The following CNNM4 variants were observed in gnomAD, a reference collection of about 807,000 sequenced individuals.
CNNM4 encodes metal transporter CNNM4.
A neutral mutation model predicts 53.7 loss-of-function variants in CNNM4; 32 were observed. That is an observed-to-expected ratio of 0.60 (90% CI 0.45 to 0.80). CNNM4 has a LOEUF of 0.80. Among genes scored for constraint, CNNM4 ranks in the 30% least tolerant of loss-of-function variants. The pLI is 0.00. For synonymous variants in CNNM4, 410 were observed against 440.0 expected (o/e 0.93, Z 0.85); for missense variants, 784 against 1,022.0 (o/e 0.77, Z 3.17).
Position 96,799,600 on chromosome 2 carries a change from G to T in CNNM4, c.1900G>T (p.Gly634Cys). 1 of 1,554,818 alleles carries T rather than the reference G, an allele frequency of 6.4e-7. No individual in the cohort carries two copies. Among genetic ancestry groups the T allele is most frequent in the South Asian group, 1.2e-5 (1 of 84,210 alleles). The change falls in exon 5 of 7, where the codon GGC (glycine) becomes TGC (cysteine). Residue 634 changes from glycine to cysteine, a missense_variant. By Grantham distance (159) the Gly-to-Cys change is radical. Transcript: ENST00000377075. ...AGKENMKFET[G>C]AFSYYGTMAL... ...GAAGGAGAACATGAAGTTTGAGACG[G>T]GCGCCTTCTCCTACTATGGGACTAT... is the stretch of plus-strand genomic sequence containing the variant.
Position 96,801,656 on chromosome 2 carries a change from CCA to C in CNNM4, c.1948+2025_1948+2026del, listed in dbSNP as rs141454994. Among the ~76,000 whole-genome samples the C allele has an allele frequency of 8.7e-4, 124 of 141,748 alleles. No homozygotes were observed. The highest frequency in any genetic ancestry group is 1.9e-3 in the African/African-American group (71 of 37,760). The allele number at this position is 141,748 out of a possible 152,430, so 93.0% of individuals were successfully genotyped here. On this transcript the variant is annotated intron_variant, in intron 5 of 6. Coordinates refer to ENST00000377075, the MANE Select transcript of CNNM4 (RefSeq NM_020184.4). This position sits in a 1 kb window ranked among gnomAD's most constrained non-coding sequence, Gnocchi z 5.6. Reference sequence around the variant, plus strand: ...GAGAGACCACACACATGCAGAGAGACCACACACACACACACACAGAGACCACA... The same window carrying C: ...GAGAGACCACACACATGCAGAGAGACCACACACACACACACAGAGACCACA...
intron 1 of CNNM4, among the ~76,000 whole-genome samples, chr2:96,767,324 C>T (rs1210147005): frequency 6.6e-6 from 1 of 152,106 alleles, no homozygotes; most frequent in African/African-American, 2.4e-5. Context: ...CTGAGAGTCT[C>T]CTGTGATTTG....
At chr2:96,786,712 G>A (rs1286225956) in intron 1 of CNNM4, among the ~76,000 whole-genome samples, 1 of 149,706 alleles carries the variant, frequency 6.7e-6, no homozygotes, top group Non-Finnish European at 1.5e-5. Context: ...TTGGGAAGCG[G>A]AGGTTGCAGT....
At chr2:96,778,582 T>C (rs1183160818) in intron 1 of CNNM4, among the ~76,000 whole-genome samples, 5 of 151,432 alleles carry the variant, frequency 3.3e-5, no homozygotes, top group African/African-American at 4.9e-5. Flanking sequence ...ATTATTTCTA[T>C]GTATCTTTTT....
rs1407264694 is a variant in CNNM4 at position 96,771,546 on chromosome 2, T to C, written c.1402+9145T>C. Among the ~76,000 whole-genome samples, 4 of 151,848 alleles carry C rather than the reference T, an allele frequency of 2.6e-5. No homozygotes were observed. The East Asian group carries it at 7.7e-4, about 29-fold the overall frequency. The stretch of plus-strand genomic sequence containing the variant: ...ATGGTGAAACCCTGTCTCTACTTTT[T>C]AGACAAATACAAAAAATTTTAGCCG... On this transcript the variant is annotated intron_variant, in intron 1 of 6. Transcript: ENST00000377075.
Position 96,800,592 on chromosome 2 carries a change from G to A in CNNM4, c.1948+944G>A, listed in dbSNP as rs143061035. 6.6e-6 allele frequency among the ~76,000 whole-genome samples: 1 copy of A among 152,368 alleles called. No homozygotes were observed. Among genetic ancestry groups the A allele is most frequent in the African/African-American group, 2.4e-5 (1 of 41,590 alleles). On this transcript the variant is annotated intron_variant, in intron 5 of 6. Transcript: ENST00000377075. This position sits in a 1 kb window ranked among gnomAD's most constrained non-coding sequence, Gnocchi z 4.6. ...GGCATGGCAGGCTCCCTGGGCAGGG[G>A]ACAGACAGGGCCCCAGAGCGGGGCT...
At chr2:96,799,708 G>A in intron 5 of CNNM4, 60 bp downstream of exon 5, 1 of 1,341,764 alleles carries the variant, frequency 7.5e-7, no homozygotes, top group Non-Finnish European at 1.0e-6. Context: ...GGGAGCCATG[G>A]ACCGACACCA....
At chr2:96,796,416 G>A (rs1017357312) in intron 1 of CNNM4, among the ~76,000 whole-genome samples, 1 of 152,016 alleles carries the variant, frequency 6.6e-6, no homozygotes, top group Non-Finnish European at 1.5e-5. Flanking sequence ...AAGGTGCTGG[G>A]ATTACAGATG....
At chr2:96,772,558 T>TAC (rs1558982420) in intron 1 of CNNM4, among the ~76,000 whole-genome samples, 5 of 46,922 alleles carry the variant, frequency 1.1e-4, no homozygotes, top group Admixed American at 2.7e-4. Context: ...TGCACACACA[T>TAC]ACACACTCAT....
At chr2:96,782,997 G>C (rs752474620) in intron 1 of CNNM4, among the ~76,000 whole-genome samples, 2 of 152,134 alleles carry the variant, frequency 1.3e-5, no homozygotes, top group African/African-American at 2.4e-5. Context: ...CTTGGGGTCA[G>C]GAGTTCAAGA....
chr2:96,807,526 T>C (rs2079220531), intron 5 of CNNM4, among the ~76,000 whole-genome samples: 1 of 151,270 alleles, frequency 6.6e-6, no homozygotes, highest in Middle Eastern at 3.4e-3. Flanking sequence ...TAAGACTCCA[T>C]CTCAAAAAAA....
intron 1 of CNNM4, among the ~76,000 whole-genome samples, chr2:96,795,127 G>A (rs940633088): frequency 1.3e-5 from 2 of 152,276 alleles, no homozygotes; most frequent in African/African-American, 4.8e-5. Context: ...TACTCAGCCT[G>A]TCAAAGCTGC....
rs541134573 is a variant in CNNM4, at chr2:96,761,611, C to G, written c.612C>G (p.Leu204=). The G allele has an allele frequency of 6.2e-7, 1 of 1,614,098 alleles. No homozygotes were observed. The highest frequency in any genetic ancestry group is 8.5e-7 in the Non-Finnish European group (1 of 1,180,030). ...CGGGCATATTTTCTGGCCTCAACCT[C>G]GGGCTTATGGCCCTGGACCCCATGG... ...VLSGIFSGLN[L]GLMALDPMEL... is the part of the protein sequence containing the mutation. Residue 204 remains leucine (L), a synonymous_variant, in exon 1 of 7, where the codon CTC becomes CTG. Coordinates refer to ENST00000377075, the MANE Select transcript of CNNM4 (RefSeq NM_020184.4). The surrounding 1 kb of genome is among the most constrained non-coding windows in gnomAD (Gnocchi z 6.0).
chr2:96,797,301 T>G lies in CNNM4; in HGVS notation c.1546+146T>G. 1 of 1,359,904 alleles carries G rather than the reference T, an allele frequency of 7.4e-7. No homozygotes were observed. The highest frequency in any genetic ancestry group is 1.0e-6 in the Non-Finnish European group (1 of 970,376). 84.2% of individuals were successfully genotyped at this position (1,359,904 alleles called of 1,614,324 possible). The stretch of plus-strand genomic sequence containing the variant: ...GCTGGGTGCCCTGCACTGGCCGGGG[T>G]GAGCAGGGAGCAGGTTGCTGAGAGC... On this transcript the variant is annotated intron_variant, in intron 2 of 6. Transcript: ENST00000377075. This position sits in a 1 kb window ranked among gnomAD's most constrained non-coding sequence, Gnocchi z 6.0.
chr2:96,787,522 C>T (rs2079025565), intron 1 of CNNM4, among the ~76,000 whole-genome samples: 1 of 152,040 alleles, frequency 6.6e-6, no homozygotes, highest in African/African-American at 2.4e-5. Context: ...ATTTAATATA[C>T]CAGATTTATT....
chr2:96,802,169 T>C (rs1404562085), intron 5 of CNNM4, among the ~76,000 whole-genome samples: 1 of 148,268 alleles, frequency 6.7e-6, no homozygotes, highest in Non-Finnish European at 1.5e-5. Flanking sequence ...GATACACCCA[T>C]AGACACACAC....
chr2:96,769,815 T>TCTC (rs2078853070), intron 1 of CNNM4, among the ~76,000 whole-genome samples: 2 of 152,290 alleles, frequency 1.3e-5, no homozygotes, highest in Admixed American at 1.3e-4. Context: ...TTGCACCGGT[T>TCTC]CTCCGTCAGC....
intron 1 of CNNM4, among the ~76,000 whole-genome samples, chr2:96,783,198 G>A (rs888194999): frequency 2.6e-5 from 4 of 152,194 alleles, no homozygotes; most frequent in African/African-American, 9.7e-5. Context: ...AAGGTACAGC[G>A]GGGAAGGGGT....
At chr2:96,791,079 C>T (rs2079058302) in intron 1 of CNNM4, among the ~76,000 whole-genome samples, 1 of 147,998 alleles carries the variant, frequency 6.8e-6, no homozygotes, top group African/African-American at 2.5e-5. Context: ...GAGATCGCAC[C>T]ACTGCACTCC....
Sources: allele counts gnomAD v4.1 joint callset (sites outside exome capture counted in the v4.1 genomes callset), GRCh38; gene constraint gnomAD v4.1.1; non-coding constraint Gnocchi (gnomAD v3.1); transcripts MANE v1.5; gene names NCBI Gene and HGNC (gene_info 2026-07-23, HGNC 2026-07-21).